The following BTK variants were observed in gnomAD, a reference collection of about 807,000 sequenced individuals.
BTK encodes the protein Bruton tyrosine kinase, also known as tyrosine-protein kinase BTK.
BTK carries 5 observed loss-of-function variants against 57.4 expected under a neutral mutation model. The ratio of observed to expected loss-of-function variants is 0.09; its 90% confidence interval spans 0.05 to 0.18. The LOEUF (loss-of-function observed/expected upper bound fraction) is 0.18, where lower values mean the gene tolerates loss of function less well. Ranked by LOEUF, BTK falls within the 10% of genes least tolerant of loss-of-function variation. The pLI, the probability that BTK is intolerant of heterozygous loss-of-function variation, is 1.00. For missense variants in BTK, 194 were observed against 501.2 expected (o/e 0.39, Z 5.85); for synonymous variants, 154 against 174.3 (o/e 0.88, Z 0.92).
intron 5 of BTK, among the ~76,000 whole-genome samples, chrX:101,363,942 G>A (rs1926762518): frequency 9.8e-6 from 1 of 101,616 alleles, no homozygotes; most frequent in African/African-American, 3.6e-5. Context: ...TATTATTGGA[G>A]ATGGGGTCTT....
chrX:101,371,800 C>A, intron 3 of BTK, 99 bp from the exon 4 acceptor site: 1 of 684,731 alleles, frequency 1.5e-6, no homozygotes, highest in Non-Finnish European at 2.4e-6. Flanking sequence ...TCAGAAGTTT[C>A]TCCTGCACAG....
intron 1 of BTK, among the ~76,000 whole-genome samples, chrX:101,382,311 T>TTTTA (rs781942193): frequency 0.093 from 9,698 of 104,409 alleles, 455 homozygotes; most frequent in South Asian, 0.18. Context: ...GCAGTTCATG[T>TTTTA]TTTATTTATT....
At chrX:101,383,734 T>C (rs1259493085) in intron 1 of BTK, among the ~76,000 whole-genome samples, 4 of 111,641 alleles carry the variant, frequency 3.6e-5, no homozygotes, top group Non-Finnish European at 7.5e-5. Context: ...AATATAATCC[T>C]AAAGACATCT....
intron 5 of BTK, among the ~76,000 whole-genome samples, chrX:101,367,591 G>A (rs3788762): frequency 1.6e-4 from 18 of 109,437 alleles, no homozygotes; most frequent in Admixed American, 1.3e-3. Context: ...AGCCGAGATC[G>A]TGCCATTGCA....
At chrX:101,388,750 T>C (rs1171840090), upstream of BTK, among the ~76,000 whole-genome samples, 2 of 112,024 alleles carry the variant, frequency 1.8e-5, no homozygotes. Flanking sequence ...GGGTTTTTGC[T>C]GATAGTAATC....
intron 1 of BTK, among the ~76,000 whole-genome samples, chrX:101,378,892 G>A (rs1927310075): frequency 9.0e-6 from 1 of 111,483 alleles, no homozygotes; most frequent in Non-Finnish European, 1.9e-5. Flanking sequence ...AGAATAATAA[G>A]TCCAGGCGCA....
At chrX:101,354,475 A>C (rs1302849323) in intron 16 of BTK, among the ~76,000 whole-genome samples, 155 bp downstream of exon 16, 13 of 111,680 alleles carry the variant, frequency 1.2e-4, no homozygotes, top group Non-Finnish European at 2.3e-4. Context: ...AGGTGGCTTA[A>C]ATAACTCAGA....
intron 1 of BTK, among the ~76,000 whole-genome samples, chrX:101,382,605 A>G (rs1927486095): frequency 9.0e-6 from 1 of 111,076 alleles, no homozygotes; most frequent in Non-Finnish European, 1.9e-5. Context: ...TCTGTGATTC[A>G]TCATCTCTTT....
intron 5 of BTK, among the ~76,000 whole-genome samples, chrX:101,366,516 AAAAC>A (rs1926854280): frequency 9.0e-6 from 1 of 111,340 alleles, no homozygotes; most frequent in African/African-American, 3.3e-5. Flanking sequence ...TAAAAACATA[AAAAC>A]AAACAAGAAA....
chrX:101,382,824 GTT>G (rs782346273), intron 1 of BTK, among the ~76,000 whole-genome samples: 6 of 110,762 alleles, frequency 5.4e-5, no homozygotes, highest in South Asian at 3.8e-4. Context: ...CCTAGTTTTT[GTT>G]TTCCTTGGCT....
chrX:101,361,063 A>G, intron 7 of BTK, among the ~76,000 whole-genome samples: 1 of 110,597 alleles, frequency 9.0e-6, no homozygotes, highest in East Asian at 2.8e-4. Context: ...TAAAAATGCA[A>G]AAATCAGCTG....
chrX:101,373,927 C>T (rs1927122872), intron 3 of BTK, among the ~76,000 whole-genome samples: 1 of 110,452 alleles, frequency 9.1e-6, no homozygotes. Flanking sequence ...CACCTGTAAT[C>T]CCAGCTACTT....
chrX:101,356,448 G>A (rs1432740849), intron 14 of BTK, 180 bp from the exon 15 acceptor site: 2 of 460,667 alleles, frequency 4.3e-6, no homozygotes, highest in African/African-American at 4.9e-5. Context: ...AAGCAAGCAG[G>A]GATTTGGAGC....
intron 1 of BTK, among the ~76,000 whole-genome samples, chrX:101,379,030 C>T (rs962926098): frequency 4.6e-5 from 5 of 108,743 alleles, no homozygotes; most frequent in East Asian, 2.9e-4. Flanking sequence ...AAAAATTAGC[C>T]GGGCGTGGTG....
chrX:101,372,573 C>T (rs782535454), intron 3 of BTK, among the ~76,000 whole-genome samples: 4 of 108,727 alleles, frequency 3.7e-5, no homozygotes, highest in Non-Finnish European at 7.7e-5. Context: ...CTCAGCCTCC[C>T]GAGTAGCTGG....
chrX:101,380,486 C>T lies in BTK; in HGVS notation c.-30-5172G>A, dbSNP rs149498579. ...CTATAACATTACAATCTTGGACTCA[C>T]CGCTTAGCTCTACAAAATCCTAAAA... On this transcript the variant is annotated intron_variant, in intron 1 of 18. Coordinates refer to ENST00000308731, the MANE Select transcript of BTK (RefSeq NM_000061.3). Among the ~76,000 whole-genome samples the T allele has an allele frequency of 2.8e-3, 307 of 111,098 alleles. 1 individual carries two copies. Among genetic ancestry groups the T allele is most frequent in the African/African-American group, 9.5e-3 (290 of 30,593 alleles).
At chrX:101,365,374 C>G (rs1468769751) in intron 5 of BTK, among the ~76,000 whole-genome samples, 1 of 112,257 alleles carries the variant, frequency 8.9e-6, no homozygotes, top group Admixed American at 9.5e-5. Flanking sequence ...TTCCCCACCC[C>G]TAGCACACTC....
chrX:101,377,797 T>C (rs1483719291), intron 1 of BTK: 2 of 111,466 alleles, frequency 1.8e-5, no homozygotes, highest in Non-Finnish European at 3.8e-5. Flanking sequence ...AAAGGTGAAA[T>C]GGCCTCCACC....
intron 1 of BTK, among the ~76,000 whole-genome samples, chrX:101,379,500 G>A (rs1927341791): frequency 8.9e-6 from 1 of 112,330 alleles, no homozygotes; most frequent in African/African-American, 3.2e-5. Context: ...ACAACAAACA[G>A]ATGAGGAAAC....
Sources: allele counts gnomAD v4.1 joint callset (sites outside exome capture counted in the v4.1 genomes callset), GRCh38; gene constraint gnomAD v4.1.1; transcripts MANE v1.5; gene names NCBI Gene and HGNC (gene_info 2026-07-23, HGNC 2026-07-21).